THSD7B: variants seen among roughly 807,000 people sequenced by gnomAD.
THSD7B encodes thrombospondin type 1 domain containing 7B.
Under a neutral mutation model 213.6 loss-of-function variants are expected in THSD7B, and 138 were observed. The ratio of observed to expected loss-of-function variants is 0.65; its 90% confidence interval spans 0.56 to 0.74. The LOEUF (loss-of-function observed/expected upper bound fraction) is 0.74, where lower values mean the gene tolerates loss of function less well. Ranked by LOEUF, THSD7B falls within the 30% of genes least tolerant of loss-of-function variation. The pLI is 0.00. For synonymous variants in THSD7B, 742 were observed against 687.0 expected (o/e 1.08, Z -1.25); for missense variants, 1,931 against 1,991.5 (o/e 0.97, Z 0.58).
intron 1 of THSD7B, among the ~76,000 whole-genome samples, chr2:136,804,943 T>A (rs542405066): frequency 6.6e-6 from 1 of 152,180 alleles, no homozygotes; most frequent in South Asian, 2.1e-4. Flanking sequence ...GTGGAAATGA[T>A]CTTGGAGTTG....
intron 12 of THSD7B, among the ~76,000 whole-genome samples, chr2:137,354,432 G>A (rs193033123): frequency 2.0e-5 from 3 of 152,050 alleles, no homozygotes; most frequent in Non-Finnish European, 2.9e-5. Context: ...ATTTATAATC[G>A]TATTCATAGT....
At chr2:137,234,157 A>G (rs533616526) in intron 9 of THSD7B, among the ~76,000 whole-genome samples, 4 of 152,370 alleles carry the variant, frequency 2.6e-5, no homozygotes, top group African/African-American at 9.6e-5. Context: ...ATGCTCAGGA[A>G]GAAACAGATA....
chr2:137,361,481 T>A (rs1014535277), intron 12 of THSD7B, among the ~76,000 whole-genome samples: 6 of 152,028 alleles, frequency 3.9e-5, no homozygotes, highest in African/African-American at 1.4e-4. Flanking sequence ...GCTAAAAACC[T>A]TGAAAAAAGA....
chr2:137,237,085 C>T (rs530078948), intron 9 of THSD7B, among the ~76,000 whole-genome samples: 16 of 145,648 alleles, frequency 1.1e-4, no homozygotes, highest in African/African-American at 4.1e-4. Context: ...TACACTCCAG[C>T]CTGGGCAATA....
At chr2:137,659,833 C>T in intron 25 of THSD7B, 87 bp downstream of exon 25, 2 of 1,308,254 alleles carry the variant, frequency 1.5e-6, no homozygotes, top group Non-Finnish European at 2.1e-6. Flanking sequence ...GGCTGCAGCC[C>T]AAGCAGCAGT....
chr2:137,534,971 G>C lies in THSD7B; in HGVS notation c.3139-28250G>C, dbSNP rs192959543. Among the ~76,000 whole-genome samples, 29 of 151,462 alleles carry C rather than the reference G, an allele frequency of 1.9e-4. No individual in the cohort carries two copies. In the East Asian group the frequency reaches 5.5e-3, roughly 29 times the overall value. On this transcript the variant is annotated intron_variant, in intron 15 of 27. Transcript: ENST00000409968. ...AACTTGATTTTGTCTGTTGGCATCT[G>C]CCTTAATTATGCATAAAAATCCCTA...
At position 137,656,777 on chromosome 2, in the gene THSD7B, G is replaced by A. The variant is rs779346462; in HGVS notation, c.4106-19G>A. The stretch of plus-strand genomic sequence containing the variant: ...CTTTTCATGCTGTTTTCTCCACCCT[G>A]TACTGCATGACTGTCCAGGAGACTG... On this transcript the variant is annotated intron_variant, in intron 22 of 27. Coordinates refer to ENST00000409968, the MANE Select transcript of THSD7B (RefSeq NM_001316349.2). The A allele has an allele frequency of 8.1e-6, 13 of 1,610,310 alleles. No individual in the cohort carries two copies. The East Asian group carries it at 2.5e-4, about 30-fold the overall frequency.
At chr2:137,073,498 A>G (rs1573804645) in intron 3 of THSD7B, among the ~76,000 whole-genome samples, 1 of 152,136 alleles carries the variant, frequency 6.6e-6, no homozygotes, top group East Asian at 1.9e-4. Context: ...TAGTCTTGCT[A>G]GCGGTCTATC....
chr2:137,179,969 T>C (rs978240888), intron 7 of THSD7B, among the ~76,000 whole-genome samples: 23 of 152,200 alleles, frequency 1.5e-4, no homozygotes, highest in African/African-American at 5.1e-4. Context: ...GTGAATATTA[T>C]GTTTATCACC....
At chr2:137,388,769 TTG>T (rs1427428273) in intron 12 of THSD7B, among the ~76,000 whole-genome samples, 1 of 152,124 alleles carries the variant, frequency 6.6e-6, no homozygotes, top group African/African-American at 2.4e-5. Flanking sequence ...AATGCATTAT[TTG>T]TCTTTCTGCA....
At chr2:137,607,881 G>T (rs1209048502) in intron 17 of THSD7B, among the ~76,000 whole-genome samples, 3 of 152,156 alleles carry the variant, frequency 2.0e-5, no homozygotes, top group African/African-American at 7.2e-5. Context: ...ATGTGAGGAT[G>T]TCCCTGCCTA....
Position 136,918,766 on chromosome 2 carries a change from A to G in THSD7B, c.139+36449A>G, listed in dbSNP as rs571334940. Among the ~76,000 whole-genome samples the G allele has an allele frequency of 2.0e-4, 30 of 152,332 alleles. No homozygotes were observed. In the East Asian group the frequency reaches 5.8e-3, roughly 29 times the overall value. ...CTTTTCAGTGTTTTCCAGAAGTACA[A>G]CTTTAAACTTGCAACTTCATCTAAG... On this transcript the variant is annotated intron_variant, in intron 2 of 27. Transcript: ENST00000409968.
At chr2:137,194,191 A>G (rs1680714504) in intron 7 of THSD7B, among the ~76,000 whole-genome samples, 1 of 152,158 alleles carries the variant, frequency 6.6e-6, no homozygotes, top group South Asian at 2.1e-4. Context: ...GAAAATAAAC[A>G]CCAAGTCCAG....
chr2:137,057,085 T>G lies in THSD7B; in HGVS notation c.805T>G (p.Phe269Val), dbSNP rs1229389924. The G allele has an allele frequency of 1.9e-6, 3 of 1,613,956 alleles. No homozygotes were observed. Among genetic ancestry groups the G allele is most frequent in the Middle Eastern group, 3.3e-4 (2 of 6,062 alleles). The change falls in exon 3 of 28, where the codon TTT becomes GTT. Residue 269 changes from phenylalanine (F) to valine (V), a missense_variant. By Grantham distance (50) the Phe-to-Val change is conservative (BLOSUM62 -1). Coordinates refer to ENST00000409968, the MANE Select transcript of THSD7B (RefSeq NM_001316349.2). The part of the protein sequence containing the change: ...INPSGRTVLD[F>V]NSDSNERVTF... ...TCCAAGCGGAAGAACTGTTCTGGAT[T>G]TTAACTCTGATTCAAATGAGCGAGT...
rs142154646 is a variant in THSD7B at position 137,044,810 on chromosome 2, T to A, written c.140-11610T>A. ...GTGCGATGATATGAAGGGAGGTGAA[T>A]GGCGTAGGCATTGTGACATAGTGTT... On this transcript the variant is annotated intron_variant, in intron 2 of 27. Transcript: ENST00000409968. 6.6e-5 allele frequency among the ~76,000 whole-genome samples: 10 copies of A among 152,272 alleles called. No individual in the cohort carries two copies. In the East Asian group the frequency reaches 1.9e-3, roughly 29 times the overall value.
chr2:137,354,741 G>T (rs549894570), intron 12 of THSD7B, among the ~76,000 whole-genome samples: 5 of 151,612 alleles, frequency 3.3e-5, no homozygotes, highest in African/African-American at 7.3e-5. Context: ...TAGAATCAAG[G>T]TACTACTTTT....
chr2:137,403,895 C>A (rs182498768), intron 12 of THSD7B, among the ~76,000 whole-genome samples: 26 of 152,230 alleles, frequency 1.7e-4, no homozygotes, highest in African/African-American at 5.8e-4. Context: ...CTACATATCT[C>A]ACCATGCACA....
At chr2:137,151,992 T>C (rs1018071749) in intron 5 of THSD7B, among the ~76,000 whole-genome samples, 9 of 143,364 alleles carry the variant, frequency 6.3e-5, no homozygotes, top group African/African-American at 2.3e-4. Flanking sequence ...TTCCCCAGTT[T>C]CAAAGCTACC....
At chr2:137,279,417 C>A (rs1682947294) in intron 12 of THSD7B, among the ~76,000 whole-genome samples, 1 of 151,906 alleles carries the variant, frequency 6.6e-6, no homozygotes, top group Non-Finnish European at 1.5e-5. Context: ...GTAATGCATG[C>A]CGGTCATCCC....
Sources: allele counts gnomAD v4.1 joint callset (sites outside exome capture counted in the v4.1 genomes callset), GRCh38; gene constraint gnomAD v4.1.1; transcripts MANE v1.5; gene names NCBI Gene and HGNC (gene_info 2026-07-23, HGNC 2026-07-21).